Variants in SUMF2 observed in about 807,000 individuals in gnomAD.
The protein encoded by SUMF2 is sulfatase modifying factor 2.
Under a neutral mutation model 44.8 loss-of-function variants are expected in SUMF2, and 45 were observed. The ratio of observed to expected loss-of-function variants is 1.00; its 90% CI spans 0.79 to 1.29. The LOEUF (loss-of-function observed/expected upper bound fraction) is 1.29. Ranked by LOEUF, SUMF2 falls within the 50% of genes most tolerant of loss-of-function variation. The pLI, the probability that SUMF2 is intolerant of heterozygous loss-of-function variation, is 0.00. For missense variants in SUMF2, 418 were observed against 389.9 expected, an observed-to-expected ratio of 1.07 and a Z score of -0.61; for synonymous variants, 148 against 150.4, an observed-to-expected ratio of 0.98 and a Z score of 0.12.
chr7:56,083,755 A>G, downstream of SUMF2: 2 of 1,367,958 alleles, frequency 1.5e-6, no homozygotes, highest in Non-Finnish European at 2.0e-6. Flanking sequence ...CGGTCCCAAG[A>G]CCACCACTGC....
In SUMF2 at chr7:56,074,589, G is replaced by T; in HGVS notation, c.388G>T (p.Ala130Ser). ...PVEKAFWRQP[A>S]GPGSGIRERL... The stretch of plus-strand genomic sequence containing the variant: ...CTCACTTAATCCTGGCTGTCAGCCT[G>T]CAGGTCCTGGCTCTGGCATCCGAGA... Residue 130 changes from alanine (A) to serine (S), a missense_variant, in exon 5 of 9, where the codon GCA becomes TCA. Transcript: ENST00000434526. 1.2e-6 allele frequency: 2 copies of T among 1,613,864 alleles called. No individual in the cohort carries two copies. Among genetic ancestry groups the T allele is most frequent in the Non-Finnish European group, 1.7e-6 (2 of 1,179,868 alleles).
downstream of SUMF2, chr7:56,081,714 T>C (rs777027596): frequency 6.2e-7 from 1 of 1,613,874 alleles, no homozygotes; most frequent in Non-Finnish European, 8.5e-7. The surrounding 1 kb of genome is among the most constrained non-coding windows in gnomAD (Gnocchi z 4.6). Flanking sequence ...CCTCTTCCGC[T>C]GTGTAGCGGT....
intron 5 of SUMF2, 71 bp from the exon 6 acceptor site, chr7:56,076,763 T>C: frequency 7.1e-7 from 1 of 1,404,272 alleles, no homozygotes. Flanking sequence ...CCCTCACTCT[T>C]TCTGTGTTCT....
In SUMF2 at chr7:56,076,951, G is replaced by C. The variant is rs1012749180; in HGVS notation, c.591+62G>C. 12 of 1,518,582 alleles carry C rather than the reference G, an allele frequency of 7.9e-6. No homozygotes were observed. The African/African-American group carries it at 1.7e-4, about 21-fold the overall frequency. 94.1% of individuals were successfully genotyped at this position (1,518,582 alleles called of 1,614,324 possible). A position where few individuals can be genotyped will look rare whatever the true frequency, so the allele number is the denominator to read the frequency against. The stretch of plus-strand genomic sequence containing the variant: ...AGAGACCTGCTGGAGGCTGGGCACT[G>C]TGTTGTTAGGCCGCGGCATCCAGAA... On this transcript the variant is annotated intron_variant, in intron 6 of 8. Transcript: ENST00000434526.
chr7:56,072,931 G>A, intron 2 of SUMF2, 66 bp from the exon 3 acceptor site: 1 of 1,189,838 alleles, frequency 8.4e-7, no homozygotes, highest in South Asian at 1.3e-5. Context: ...AAGTTTCCTG[G>A]AGCAGGAGAA....
downstream of SUMF2, among the ~76,000 whole-genome samples, chr7:56,082,651 C>G (rs3778868): frequency 0.018 from 2,739 of 152,082 alleles, 53 homozygotes; most frequent in Admixed American, 0.049. Context: ...AAATGGCGCT[C>G]GGGCTGGGAC....
At chr7:56,075,435 G>A (rs774080550) in intron 5 of SUMF2, among the ~76,000 whole-genome samples, 27 of 151,992 alleles carry the variant, frequency 1.8e-4, no homozygotes, top group Non-Finnish European at 2.5e-4. Flanking sequence ...AGTGGCTCAC[G>A]CCTGTAATCA....
intron 2 of SUMF2, among the ~76,000 whole-genome samples, chr7:56,072,640 G>C (rs112131079): frequency 6.6e-6 from 1 of 150,578 alleles, no homozygotes; most frequent in Non-Finnish European, 1.5e-5. Flanking sequence ...GGAGAATGGC[G>C]TGAAACCGGG....
chr7:56,074,363 C>T, intron 4 of SUMF2, 145 bp downstream of exon 4: 1 of 1,016,708 alleles, frequency 9.8e-7, no homozygotes, highest in Non-Finnish European at 1.5e-6. Context: ...CTCAGCAGGC[C>T]TGTTTCACCT....
At chr7:56,067,986 GA>G (rs2117399903) in intron 1 of SUMF2, among the ~76,000 whole-genome samples, 1 of 149,016 alleles carries the variant, frequency 6.7e-6, no homozygotes, top group East Asian at 2.0e-4. Flanking sequence ...ACAAGAATGT[GA>G]AGCCAAACAA....
At chr7:56,082,683 C>A (rs1719456810), downstream of SUMF2, among the ~76,000 whole-genome samples, 1 of 152,132 alleles carries the variant, frequency 6.6e-6, no homozygotes, top group Admixed American at 6.5e-5. Flanking sequence ...CCACCAACTT[C>A]AGGGCCCAGG....
chr7:56,072,474 C>T (rs1795240564), intron 2 of SUMF2, among the ~76,000 whole-genome samples: 1 of 151,244 alleles, frequency 6.6e-6, no homozygotes, highest in African/African-American at 2.4e-5. Context: ...CCTGTAATCT[C>T]AGCCCTTTGG....
At chr7:56,076,066 G>A (rs1381153662) in intron 5 of SUMF2, among the ~76,000 whole-genome samples, 5 of 139,172 alleles carry the variant, frequency 3.6e-5, no homozygotes, top group East Asian at 2.1e-4. Context: ...TCGCTGTGTC[G>A]CCCAGGCTGG....
intron 1 of SUMF2, among the ~76,000 whole-genome samples, chr7:56,068,203 T>A (rs1259937271): frequency 1.3e-5 from 2 of 151,516 alleles, no homozygotes; most frequent in Non-Finnish European, 2.9e-5. Context: ...CCGGCTAATT[T>A]TTTTTTTTGT....
At chr7:56,070,029 C>T (rs1795057382) in intron 2 of SUMF2, among the ~76,000 whole-genome samples, 1 of 152,052 alleles carries the variant, frequency 6.6e-6, no homozygotes. Context: ...CTACCTCAGC[C>T]TCCTGAGTAG....
intron 3 of SUMF2, chr7:56,073,848 A>G (rs1174311614): frequency 6.4e-6 from 2 of 314,354 alleles, no homozygotes; most frequent in Admixed American, 4.7e-5. Flanking sequence ...ATCTACAAAA[A>G]AAAGAAAAAA....
downstream of SUMF2, chr7:56,083,428 C>T: frequency 6.2e-7 from 1 of 1,614,182 alleles, no homozygotes; most frequent in Non-Finnish European, 8.5e-7. Flanking sequence ...TCCAGCAGAG[C>T]TCGCATGATC....
intron 2 of SUMF2, among the ~76,000 whole-genome samples, chr7:56,068,933 G>A (rs1053803869): frequency 6.6e-6 from 1 of 150,922 alleles, no homozygotes; most frequent in South Asian, 2.1e-4. Context: ...GGCTGGGCTC[G>A]AACTCCTGAC....
At chr7:56,078,936 G>C in intron 8 of SUMF2, 2 of 514,092 alleles carry the variant, frequency 3.9e-6, no homozygotes, top group Admixed American at 3.3e-5. Flanking sequence ...TTGCTCTGTT[G>C]TCCAGGCTGG....
Sources: allele counts gnomAD v4.1 joint callset (sites outside exome capture counted in the v4.1 genomes callset), GRCh38; gene constraint gnomAD v4.1.1; non-coding constraint Gnocchi (gnomAD v3.1); transcripts MANE v1.5; gene names NCBI Gene and HGNC (gene_info 2026-07-23, HGNC 2026-07-21).